Variants in SCAPER observed in about 807,000 individuals in gnomAD.
The protein encoded by SCAPER is S phase cyclin A-associated protein in the endoplasmic reticulum.
SCAPER carries 98 observed loss-of-function variants against 182.2 expected under a neutral mutation model. The ratio of observed to expected loss-of-function variants is 0.54; its 90% CI spans 0.46 to 0.64. The LOEUF is 0.64. Ranked by LOEUF, SCAPER falls within the 30% of genes least tolerant of loss-of-function variation. SCAPER has a pLI of 0.00. For synonymous variants in SCAPER, 605 were observed against 564.6 expected (o/e 1.07, Z -1.01); for missense variants, 1,432 against 1,690.0 (o/e 0.85, Z 2.68).
intron 20 of SCAPER, among the ~76,000 whole-genome samples, chr15:76,691,747 T>C (rs1429182022): frequency 2.0e-5 from 3 of 152,190 alleles, no homozygotes; most frequent in African/African-American, 7.2e-5. Flanking sequence ...AAATTTGTTC[T>C]ATTGTTATTC....
intron 20 of SCAPER, among the ~76,000 whole-genome samples, chr15:76,681,829 A>G (rs920617091): frequency 3.3e-5 from 5 of 152,122 alleles, no homozygotes; most frequent in African/African-American, 1.2e-4. Context: ...TGAAGCCTAG[A>G]GGATTTGGTG....
chr15:76,766,827 G>T, intron 11 of SCAPER, 91 bp downstream of exon 11: 1 of 946,606 alleles, frequency 1.1e-6, no homozygotes, highest in Non-Finnish European at 1.6e-6. Context: ...TTCTAAATAG[G>T]ACTAGATGGA....
chr15:76,860,207 C>G (rs1325449500), intron 3 of SCAPER, among the ~76,000 whole-genome samples: 1 of 151,528 alleles, frequency 6.6e-6, no homozygotes, highest in Non-Finnish European at 1.5e-5. Context: ...TCAGAATAAC[C>G]CATGGAAAAT....
chr15:76,462,996 A>T (rs1267929408), intron 25 of SCAPER, among the ~76,000 whole-genome samples: 1 of 152,150 alleles, frequency 6.6e-6, no homozygotes, highest in African/African-American at 2.4e-5. Flanking sequence ...TTTGAAGTCC[A>T]TTATCCTCAT....
Position 76,858,402 on chromosome 15 carries a change from C to T in SCAPER, c.125-523G>A, listed in dbSNP as rs145136826. On this transcript the variant is annotated intron_variant, in intron 3 of 31. Coordinates refer to ENST00000563290, the MANE Select transcript of SCAPER (RefSeq NM_020843.4). ...CACTCATTCTTTTTTATAAGAAAGA[C>T]ACCAACTACTGTTTTGTAATTACTA... 3.7e-3 allele frequency among the ~76,000 whole-genome samples: 566 copies of T among 152,194 alleles called. 7 individuals are homozygous for T. The highest frequency in any genetic ancestry group is 0.013 in the African/African-American group (552 of 41,542).
chr15:76,473,429 G>A (rs1229378121), intron 24 of SCAPER, among the ~76,000 whole-genome samples: 2 of 152,198 alleles, frequency 1.3e-5, no homozygotes, highest in Non-Finnish European at 2.9e-5. Context: ...AGGTCAATGG[G>A]CACGACAGAT....
At chr15:76,392,535 A>G (rs2043771416) in intron 27 of SCAPER, among the ~76,000 whole-genome samples, 1 of 151,362 alleles carries the variant, frequency 6.6e-6, no homozygotes, top group Non-Finnish European at 1.5e-5. Context: ...CAGGAGTTCG[A>G]CACCAGCCTG....
chr15:76,827,920 T>C (rs2068142775), intron 5 of SCAPER, among the ~76,000 whole-genome samples: 1 of 152,184 alleles, frequency 6.6e-6, no homozygotes, highest in Non-Finnish European at 1.5e-5. Flanking sequence ...TAATCCTCAA[T>C]TGTGGCAGTA....
At chr15:76,358,991 C>G (rs548746391) in intron 29 of SCAPER, among the ~76,000 whole-genome samples, 1 of 152,234 alleles carries the variant, frequency 6.6e-6, no homozygotes, top group South Asian at 2.1e-4. Flanking sequence ...CTAATTTGAG[C>G]CTTAGAGTCT....
intron 21 of SCAPER, among the ~76,000 whole-genome samples, chr15:76,651,899 A>T (rs2055083106): frequency 6.6e-6 from 1 of 151,878 alleles, no homozygotes; most frequent in African/African-American, 2.4e-5. Context: ...AATAAAATCC[A>T]GCAGCACATT....
At chr15:76,533,794 GTCTA>G (rs1360009951) in intron 23 of SCAPER, among the ~76,000 whole-genome samples, 5 of 152,000 alleles carry the variant, frequency 3.3e-5, no homozygotes, top group African/African-American at 7.3e-5. Flanking sequence ...CTCCTCCTCT[GTCTA>G]TCTATCAGCA....
At chr15:76,454,935 G>A (rs2048619672) in intron 25 of SCAPER, among the ~76,000 whole-genome samples, 1 of 151,792 alleles carries the variant, frequency 6.6e-6, no homozygotes, top group Non-Finnish European at 1.5e-5. Flanking sequence ...GAGTTAGTCT[G>A]GTGAGTTATA....
intron 9 of SCAPER, among the ~76,000 whole-genome samples, chr15:76,772,891 C>T (rs1328386436): frequency 6.6e-6 from 1 of 151,836 alleles, no homozygotes; most frequent in East Asian, 1.9e-4. Context: ...ATAAATGCTG[C>T]AGTGGCCATA....
intron 23 of SCAPER, among the ~76,000 whole-genome samples, chr15:76,539,774 T>C (rs1377144465): frequency 6.6e-6 from 1 of 152,160 alleles, no homozygotes; most frequent in Non-Finnish European, 1.5e-5. Context: ...CTCGATCTCC[T>C]GACCTCGTGA....
chr15:76,851,345 C>T (rs1461211171), intron 4 of SCAPER, among the ~76,000 whole-genome samples: 1 of 152,066 alleles, frequency 6.6e-6, no homozygotes, highest in African/African-American at 2.4e-5. Flanking sequence ...AGAACCTCTG[C>T]AAGATTCTAC....
chr15:76,593,451 A>C lies in SCAPER; in HGVS notation c.2712-19167T>G, dbSNP rs571187986. 3.3e-5 allele frequency among the ~76,000 whole-genome samples: 4 copies of C among 121,276 alleles called. 1 individual carries two copies. In the South Asian group the frequency reaches 1.0e-3, roughly 31 times the overall value. The allele number at this position is 121,276 out of a possible 152,430, so 79.6% of individuals were successfully genotyped here. On this transcript the variant is annotated intron_variant, in intron 22 of 31. Transcript: ENST00000563290. ...CTCTGAAGAGAGCAGCGGATCTCCTAGCACAGTGCTCGAGCTCAAATAAAG... is the reference window on the plus strand; with the variant it reads ...CTCTGAAGAGAGCAGCGGATCTCCTCGCACAGTGCTCGAGCTCAAATAAAG...
chr15:76,746,434 A>C (rs972360061), intron 15 of SCAPER, among the ~76,000 whole-genome samples: 4 of 152,272 alleles, frequency 2.6e-5, no homozygotes, highest in Non-Finnish European at 4.4e-5. Flanking sequence ...ACTTGATGAA[A>C]GATTAAATAC....
chr15:76,366,339 C>A (rs1459535749), intron 29 of SCAPER, among the ~76,000 whole-genome samples: 1 of 152,188 alleles, frequency 6.6e-6, no homozygotes, highest in African/African-American at 2.4e-5. Flanking sequence ...AGTGCATGGG[C>A]TGATAGGTTT....
intron 23 of SCAPER, among the ~76,000 whole-genome samples, chr15:76,543,020 A>G (rs2044914944): frequency 6.6e-6 from 1 of 152,138 alleles, no homozygotes; most frequent in African/African-American, 2.4e-5. Context: ...CATTTTTTTA[A>G]TTTTTAAAAA....
Sources: allele counts gnomAD v4.1 joint callset (sites outside exome capture counted in the v4.1 genomes callset), GRCh38; gene constraint gnomAD v4.1.1; transcripts MANE v1.5; gene names NCBI Gene and HGNC (gene_info 2026-07-23, HGNC 2026-07-21).